RRM1: variants seen among roughly 807,000 people sequenced by gnomAD.
RRM1 encodes ribonucleotide reductase catalytic subunit M1, also known as ribonucleoside-diphosphate reductase large subunit.
RRM1 carries 19 observed loss-of-function variants against 101.5 expected under a neutral mutation model. The observed-to-expected ratio is 0.19, with a 90% confidence interval of 0.13 to 0.27. The LOEUF (loss-of-function observed/expected upper bound fraction) is 0.27. Among genes scored for constraint, RRM1 ranks in the 10% least tolerant of loss-of-function variants. RRM1 has a pLI of 1.00. For missense variants in RRM1, 500 were observed against 962.9 expected, an observed-to-expected ratio of 0.52 and a Z score of 6.36; for synonymous variants, 298 against 323.4, an observed-to-expected ratio of 0.92 and a Z score of 0.84.
At chr11:4,126,455 T>G (rs2094589686) in intron 12 of RRM1, among the ~76,000 whole-genome samples, 1 of 152,228 alleles carries the variant, frequency 6.6e-6, no homozygotes, top group Non-Finnish European at 1.5e-5. Context: ...TCTCTCTCTC[T>G]CTTACCTATT....
At position 4,111,602 on chromosome 11, in the gene RRM1, C is replaced by T; in HGVS notation, c.449C>T (p.Thr150Met). 1 of 1,602,558 alleles carries T rather than the reference C, an allele frequency of 6.2e-7. No homozygotes were observed. Among genetic ancestry groups the T allele is most frequent in the Non-Finnish European group, 8.5e-7 (1 of 1,174,088 alleles). The change falls in exon 6 of 19, where the codon ACG becomes ATG. Residue 150 changes from threonine (T) to methionine (M), a missense_variant and splice_region_variant. Thr to Met is a moderately conservative substitution (Grantham distance 81, BLOSUM62 -1). Coordinates refer to ENST00000300738, the MANE Select transcript of RRM1 (RefSeq NM_001033.5). ...TTTTTGTTGTTTCTCTCTTTCTAGACGCTAGAGCGGTCTTATTTGTTGAAG... is the reference window on the plus strand; with the variant it reads ...TTTTTGTTGTTTCTCTCTTTCTAGATGCTAGAGCGGTCTTATTTGTTGAAG... ...DFSYNYFGFKTLERSYLLKIN... is the reference protein window; with the variant it reads ...DFSYNYFGFKMLERSYLLKIN...
chr11:4,095,130 C>T, intron 1 of RRM1, 99 bp downstream of exon 1: 1 of 1,383,188 alleles, frequency 7.2e-7, no homozygotes, highest in South Asian at 1.3e-5. Flanking sequence ...TCGCTGCTTC[C>T]CGCCTTTCCC....
At chr11:4,123,778 A>G (rs1429012001) in intron 12 of RRM1, among the ~76,000 whole-genome samples, 1 of 152,208 alleles carries the variant, frequency 6.6e-6, no homozygotes, top group Non-Finnish European at 1.5e-5. Context: ...ACTGTACTCC[A>G]TCCTGGGCGA....
rs761268170 is a variant in RRM1, at chr11:4,123,748, C to T, written c.1320+364C>T. On this transcript the variant is annotated intron_variant, in intron 12 of 18. Coordinates refer to ENST00000300738, the MANE Select transcript of RRM1 (RefSeq NM_001033.5). ...CCTTGAGCCTGGAAAGTGGAGGCTGCAGTGGGCTGAGATTGTGCCACTGTA... is the reference window on the plus strand; with the variant it reads ...CCTTGAGCCTGGAAAGTGGAGGCTGTAGTGGGCTGAGATTGTGCCACTGTA... Among the ~76,000 whole-genome samples the T allele has an allele frequency of 6.4e-4, 97 of 152,126 alleles. 1 individual carries two copies. Among genetic ancestry groups the T allele is most frequent in the Admixed American group, 4.6e-4 (7 of 15,264 alleles).
chr11:4,109,003 A>G (rs1216514784), intron 4 of RRM1, among the ~76,000 whole-genome samples: 1 of 151,912 alleles, frequency 6.6e-6, no homozygotes, highest in Non-Finnish European at 1.5e-5. Flanking sequence ...TATTGCTTTT[A>G]TTTTCCTCTG....
At chr11:4,125,296 G>A (rs2094587856) in intron 12 of RRM1, among the ~76,000 whole-genome samples, 1 of 151,990 alleles carries the variant, frequency 6.6e-6, no homozygotes, top group African/African-American at 2.4e-5. Flanking sequence ...CTCAGCCCTT[G>A]ACAACCACTA....
At chr11:4,095,469 G>T (rs887136267) in intron 1 of RRM1, among the ~76,000 whole-genome samples, 1 of 152,224 alleles carries the variant, frequency 6.6e-6, no homozygotes, top group Non-Finnish European at 1.5e-5. Context: ...CCGTGGGGTT[G>T]GTGAGCTGTC....
chr11:4,096,040 G>C (rs546998098), intron 1 of RRM1, among the ~76,000 whole-genome samples: 38 of 152,228 alleles, frequency 2.5e-4, no homozygotes, highest in African/African-American at 9.1e-4. Flanking sequence ...ATGGAGACTT[G>C]TTTGAGACAG....
intron 5 of RRM1, among the ~76,000 whole-genome samples, chr11:4,110,021 C>G (rs1204183178): frequency 6.6e-6 from 1 of 152,282 alleles, no homozygotes; most frequent in East Asian, 1.9e-4. Context: ...TGACTGAGAA[C>G]ATGAATGTCA....
chr11:4,123,876 C>T (rs1021609711), intron 12 of RRM1, among the ~76,000 whole-genome samples: 34 of 152,116 alleles, frequency 2.2e-4, no homozygotes, highest in African/African-American at 8.2e-4. Context: ...AGAGTCCTTT[C>T]AGTGAATGGT....
chr11:4,117,256 A>G (rs2094575050), intron 7 of RRM1, among the ~76,000 whole-genome samples: 1 of 152,198 alleles, frequency 6.6e-6, no homozygotes, highest in South Asian at 2.1e-4. Context: ...TGAAACGTGT[A>G]TATCTTTTGA....
At chr11:4,097,406 T>C (rs182819732) in intron 1 of RRM1, among the ~76,000 whole-genome samples, 43 of 152,134 alleles carry the variant, frequency 2.8e-4, no homozygotes, top group African/African-American at 9.9e-4. Flanking sequence ...GATTCTGCCA[T>C]TGTAGCATTC....
chr11:4,102,774 T>C (rs975590775), intron 2 of RRM1, among the ~76,000 whole-genome samples: 2 of 152,216 alleles, frequency 1.3e-5, no homozygotes, highest in Non-Finnish European at 2.9e-5. Flanking sequence ...TAATATAAAG[T>C]AGATTTCATG....
intron 1 of RRM1, among the ~76,000 whole-genome samples, chr11:4,097,046 A>T (rs556099711): frequency 1.3e-5 from 2 of 151,586 alleles, no homozygotes; most frequent in East Asian, 3.9e-4. Flanking sequence ...GCACTTTGGG[A>T]GGCTGAGGTG....
chr11:4,107,066 TG>T (rs1565180633), intron 3 of RRM1, among the ~76,000 whole-genome samples: 1 of 152,026 alleles, frequency 6.6e-6, no homozygotes, highest in Non-Finnish European at 1.5e-5. Context: ...GCTAATTTTT[TG>T]TATTTTTAGT....
Position 4,122,173 on chromosome 11 carries a change from T to C in RRM1, c.1071T>C (p.Pro357=). The stretch of plus-strand genomic sequence containing the variant: ...CTTTGATGTGTCCAAATGAGTGTCC[T>C]GGTCTGGATGAGGTTTGGGGAGAGG... The part of the protein sequence containing the change: ...DWSLMCPNEC[P]GLDEVWGEEF... The change falls in exon 11 of 19, where the codon CCT becomes CCC. Residue 357 remains proline (P), a synonymous_variant. Coordinates refer to ENST00000300738, the MANE Select transcript of RRM1 (RefSeq NM_001033.5). The C allele has an allele frequency of 6.2e-7, 1 of 1,613,758 alleles. No individual in the cohort carries two copies. Among genetic ancestry groups the C allele is most frequent in the Non-Finnish European group, 8.5e-7 (1 of 1,179,722 alleles).
chr11:4,095,061 A>C, intron 1 of RRM1, 30 bp downstream of exon 1: 1 of 1,562,362 alleles, frequency 6.4e-7, no homozygotes, highest in Non-Finnish European at 8.7e-7. Context: ...GGCGAGAAGG[A>C]AGGTGAGGGG....
chr11:4,114,834 T>G (rs984669634), intron 7 of RRM1, among the ~76,000 whole-genome samples: 16 of 152,154 alleles, frequency 1.1e-4, no homozygotes, highest in African/African-American at 3.9e-4. Flanking sequence ...TGCCTCAGCT[T>G]TACAAATAGT....
chr11:4,094,746 T>C (rs771092247), upstream of RRM1: 7 of 570,654 alleles, frequency 1.2e-5, no homozygotes, highest in Non-Finnish European at 2.2e-5. Flanking sequence ...CTGTGAAGCC[T>C]ACCCCGGGCG....
Sources: gnomAD v4.1 joint callset for allele counts (sites outside exome capture counted in the v4.1 genomes callset) on GRCh38, gnomAD v4.1.1 for gene constraint, MANE v1.5 for transcripts, NCBI Gene and HGNC (gene_info 2026-07-23, HGNC 2026-07-21) for gene names.